The following ZNF618 variants were observed in gnomAD, a reference collection of about 807,000 sequenced individuals.
ZNF618 encodes the protein zinc finger protein 618.
In ZNF618, 34 loss-of-function variants were observed where a neutral mutation model predicts 103.0. The ratio of observed to expected loss-of-function variants is 0.33; its 90% CI spans 0.25 to 0.44. The LOEUF is 0.44. Among genes scored for constraint, ZNF618 ranks in the 20% least tolerant of loss-of-function variants. The probability of loss-of-function intolerance (pLI) is 1.00; values close to 1 mark genes in which losing one functional copy is unlikely to be tolerated. For missense variants in ZNF618, 1,059 were observed against 1,295.4 expected (o/e 0.82, Z 2.80); for synonymous variants, 551 against 542.2 (o/e 1.02, Z -0.23).
At chr9:114,044,820 T>C (rs1173923085) in intron 13 of ZNF618, among the ~76,000 whole-genome samples, 2 of 152,042 alleles carry the variant, frequency 1.3e-5, no homozygotes, top group Non-Finnish European at 2.9e-5. Context: ...GTTTTTTTGG[T>C]GGGGCAGTTT....
intron 1 of ZNF618, among the ~76,000 whole-genome samples, chr9:113,890,612 C>G (rs1391363172): frequency 6.6e-6 from 1 of 152,206 alleles, no homozygotes; most frequent in African/African-American, 2.4e-5. Context: ...TGATCATCTC[C>G]TTAACATCAC....
chr9:113,936,514 C>A (rs1834040343), intron 1 of ZNF618, among the ~76,000 whole-genome samples: 1 of 152,216 alleles, frequency 6.6e-6, no homozygotes, highest in South Asian at 2.1e-4. Flanking sequence ...GGAGTGGGGA[C>A]CTTCTGCCAT....
chr9:114,029,216 CT>C (rs901078029), intron 11 of ZNF618, among the ~76,000 whole-genome samples: 8 of 150,390 alleles, frequency 5.3e-5, no homozygotes, highest in South Asian at 4.2e-4. Context: ...GGTTTGCAAA[CT>C]TTTTTTTTTA....
chr9:114,029,335 T>G (rs1843797665), intron 11 of ZNF618, among the ~76,000 whole-genome samples: 1 of 152,194 alleles, frequency 6.6e-6, no homozygotes, highest in Non-Finnish European at 1.5e-5. Flanking sequence ...AACATCAAAT[T>G]TTATGTAAAA....
intron 1 of ZNF618, among the ~76,000 whole-genome samples, chr9:113,956,274 T>C (rs1007158610): frequency 4.3e-5 from 6 of 139,704 alleles, no homozygotes; most frequent in Non-Finnish European, 7.6e-5. Flanking sequence ...GGGGCAAGCA[T>C]GCTTCCATCC....
intron 10 of ZNF618, among the ~76,000 whole-genome samples, chr9:114,024,209 C>A (rs1265286045): frequency 2.0e-5 from 3 of 152,126 alleles, no homozygotes; most frequent in South Asian, 4.1e-4. Context: ...GTCTAATCTG[C>A]TTTATTAGAA....
chr9:114,026,675 CTTA>C (rs1843526614), intron 10 of ZNF618, among the ~76,000 whole-genome samples: 1 of 152,366 alleles, frequency 6.6e-6, no homozygotes, highest in East Asian at 1.9e-4. Flanking sequence ...CATCAACAAA[CTTA>C]TTATGTCTGT....
At position 113,951,577 on chromosome 9, in the gene ZNF618, ATGTGTG is replaced by A. The variant is rs33967417; in HGVS notation, c.34-17524_34-17519del. Among the ~76,000 whole-genome samples the A allele has an allele frequency of 1.1e-3, 55 of 49,144 alleles. 13 individuals are homozygous for A. The highest frequency in any genetic ancestry group is 3.6e-3 in the South Asian group (5 of 1,374). 32.2% of individuals were successfully genotyped at this position (49,144 alleles called of 152,430 possible). On this transcript the variant is annotated intron_variant, in intron 1 of 14. Coordinates refer to ENST00000374126, the MANE Select transcript of ZNF618 (RefSeq NM_001318042.2). ...TGTGTGTGTATATGTGTGTGTGTAT[ATGTGTG>A]TGTGTGTGTGTGTGTATATATATGT...
At chr9:113,930,490 C>G (rs1477692639) in intron 1 of ZNF618, among the ~76,000 whole-genome samples, 2 of 152,016 alleles carry the variant, frequency 1.3e-5, no homozygotes, top group African/African-American at 2.4e-5. Context: ...GCAGGCTTGT[C>G]CTTGAATGGA....
intron 10 of ZNF618, among the ~76,000 whole-genome samples, chr9:114,020,421 T>A (rs550990595): frequency 6.6e-6 from 1 of 152,290 alleles, no homozygotes; most frequent in Admixed American, 6.5e-5. Flanking sequence ...ATCATTACAA[T>A]AATATTGGGT....
chr9:114,036,779 A>C (rs1425295945), intron 13 of ZNF618, among the ~76,000 whole-genome samples: 1 of 152,238 alleles, frequency 6.6e-6, no homozygotes, highest in Non-Finnish European at 1.5e-5. Flanking sequence ...ATGCAGCCCA[A>C]GGCAAGCTGG....
chr9:114,028,706 C>G (rs770342612), intron 10 of ZNF618, 27 bp from the exon 11 acceptor site: 1 of 1,540,450 alleles, frequency 6.5e-7, no homozygotes, highest in Non-Finnish European at 8.8e-7. Context: ...GGAGGGCCCT[C>G]GGGGACTGAG....
At chr9:114,012,088 CAGAGA>C (rs888830775) in intron 9 of ZNF618, among the ~76,000 whole-genome samples, 10 of 16,970 alleles carry the variant, frequency 5.9e-4, no homozygotes, top group Admixed American at 3.3e-3. Flanking sequence ...TTAAGAGACT[CAGAGA>C]AGAGAACACC....
intron 10 of ZNF618, among the ~76,000 whole-genome samples, chr9:114,021,916 A>G (rs907129883): frequency 1.3e-5 from 2 of 152,124 alleles, no homozygotes; most frequent in Non-Finnish European, 2.9e-5. Flanking sequence ...ATGTATCAGT[A>G]GTTCATTCTC....
intron 1 of ZNF618, among the ~76,000 whole-genome samples, chr9:113,879,973 C>CA (rs1828361903): frequency 6.6e-6 from 1 of 152,030 alleles, no homozygotes; most frequent in African/African-American, 2.4e-5. Flanking sequence ...ATAAGGCTGA[C>CA]CTCTCCCTCG....
At chr9:113,896,756 C>T (rs1218410661) in intron 1 of ZNF618, among the ~76,000 whole-genome samples, 1 of 151,888 alleles carries the variant, frequency 6.6e-6, no homozygotes, top group East Asian at 1.9e-4. Flanking sequence ...TTACCATTTG[C>T]TTTATATGTT....
intron 3 of ZNF618, among the ~76,000 whole-genome samples, chr9:113,993,293 A>G (rs1339838898): frequency 6.6e-6 from 1 of 152,220 alleles, no homozygotes; most frequent in Non-Finnish European, 1.5e-5. Context: ...TCCCATGTTC[A>G]TGGCAGACAC....
At chr9:114,035,276 A>G in intron 12 of ZNF618, 1 of 984,770 alleles carries the variant, frequency 1.0e-6, no homozygotes, top group Non-Finnish European at 1.2e-6. Context: ...AGGGCAAGGC[A>G]GGGCAGGGAA....
At chr9:113,900,328 C>T (rs754352598) in intron 1 of ZNF618, among the ~76,000 whole-genome samples, 48 of 152,216 alleles carry the variant, frequency 3.2e-4, no homozygotes, top group South Asian at 1.2e-3. Context: ...TCCCAAAGTG[C>T]TGGGATTACA....
Sources: allele counts gnomAD v4.1 joint callset (sites outside exome capture counted in the v4.1 genomes callset), GRCh38; gene constraint gnomAD v4.1.1; transcripts MANE v1.5; gene names NCBI Gene and HGNC (gene_info 2026-07-23, HGNC 2026-07-21).